Variants in PADI3 observed in about 807,000 individuals in gnomAD.
PADI3 encodes peptidyl arginine deiminase 3.
PADI3 carries 53 observed loss-of-function variants against 71.5 expected under a neutral mutation model. That is an observed-to-expected ratio of 0.74 (90% CI 0.59 to 0.93). The LOEUF (loss-of-function observed/expected upper bound fraction) is 0.93. Ranked by LOEUF, PADI3 falls within the 40% of genes least tolerant of loss-of-function variation. The pLI, the probability that PADI3 is intolerant of heterozygous loss-of-function variation, is 0.00. For synonymous variants in PADI3, 361 were observed against 347.5 expected, an observed-to-expected ratio of 1.04 and a Z score of -0.43; for missense variants, 821 against 868.0, an observed-to-expected ratio of 0.95 and a Z score of 0.68.
At chr1:17,280,884 T>A (rs574568348) in intron 15 of PADI3, 88 bp downstream of exon 15, 7 of 1,520,018 alleles carry the variant, frequency 4.6e-6, no homozygotes, top group Non-Finnish European at 6.3e-6. Flanking sequence ...ACAGTCATAT[T>A]TAGGATTGTG....
chr1:17,252,895 G>A (rs933196281), intron 1 of PADI3, among the ~76,000 whole-genome samples: 10 of 152,160 alleles, frequency 6.6e-5, no homozygotes, highest in Non-Finnish European at 1.0e-4. Context: ...TGAGGGGCCC[G>A]CGAAGCTGGT....
intron 2 of PADI3, 78 bp downstream of exon 2, chr1:17,259,836 T>C: frequency 1.5e-6 from 2 of 1,302,822 alleles, no homozygotes; most frequent in Non-Finnish European, 2.1e-6. Flanking sequence ...CAACATTCTC[T>C]TTCTCCAGAG....
At chr1:17,277,255 C>A (rs1291714049) in intron 13 of PADI3, among the ~76,000 whole-genome samples, 1 of 151,762 alleles carries the variant, frequency 6.6e-6, no homozygotes, top group Non-Finnish European at 1.5e-5. Context: ...AGTGCAATGG[C>A]GTGATCTCCA....
At chr1:17,273,289 G>T in intron 9 of PADI3, 51 bp from the exon 10 acceptor site, 1 of 1,384,488 alleles carries the variant, frequency 7.2e-7, no homozygotes. Context: ...GCCAGCAGGG[G>T]CAGCTGTTGA....
intron 1 of PADI3, among the ~76,000 whole-genome samples, chr1:17,257,416 T>A (rs1159990572): frequency 6.6e-6 from 1 of 152,260 alleles, no homozygotes; most frequent in Non-Finnish European, 1.5e-5. Context: ...ATTAATAATT[T>A]TTTTAGTATA....
chr1:17,253,061 G>A (rs1557496009), intron 1 of PADI3, among the ~76,000 whole-genome samples: 1 of 152,180 alleles, frequency 6.6e-6, no homozygotes, highest in African/African-American at 2.4e-5. Context: ...AGTGAGTTAG[G>A]GACAGAGCTA....
In PADI3 at chr1:17,275,436, CAAAAA is replaced by C. The variant is rs10617336; in HGVS notation, c.1307+669_1307+673del. Among the ~76,000 whole-genome samples, 13 of 89,482 alleles carry C rather than the reference CAAAAA, an allele frequency of 1.5e-4. No homozygotes were observed. In the East Asian group the frequency reaches 1.8e-3, roughly 12 times the overall value. The allele number at this position is 89,482 out of a possible 152,430, so 58.7% of individuals were successfully genotyped here. On this transcript the variant is annotated intron_variant, in intron 11 of 15. Coordinates refer to ENST00000375460, the MANE Select transcript of PADI3 (RefSeq NM_016233.2). ...TGGGCGACAGAGCGAGACTCCGTCT[CAAAAA>C]AAAAAAAAAAAAAAAAAAGTAACAA...
intron 9 of PADI3, among the ~76,000 whole-genome samples, chr1:17,272,437 A>G (rs1235260438): frequency 2.6e-5 from 4 of 152,310 alleles, no homozygotes; most frequent in Admixed American, 6.5e-5. Flanking sequence ...TGTGCCACCA[A>G]CTAACTAGCT....
chr1:17,258,111 TC>T (rs549426607), intron 1 of PADI3, among the ~76,000 whole-genome samples: 168 of 152,296 alleles, frequency 1.1e-3, no homozygotes, highest in Middle Eastern at 6.8e-3. Flanking sequence ...AGATAGTGCC[TC>T]CCTTCTAGGG....
At position 17,265,717 on chromosome 1, in the gene PADI3, C is replaced by T. The variant is rs765395439; in HGVS notation, c.405C>T (p.Asp135=). 5 of 1,613,924 alleles carry T rather than the reference C, an allele frequency of 3.1e-6. No homozygotes were observed. Among genetic ancestry groups the T allele is most frequent in the Non-Finnish European group, 4.2e-6 (5 of 1,179,818 alleles). ...GAAGGCAGGACAGGAACTTTGTAGA[C>T]AAGGTAAGCATCTCTGCCTGGGCCC... is the stretch of plus-strand genomic sequence containing the variant. The part of the protein sequence containing the change: ...CEGRQDRNFV[D]KRQWVWGPSG... The change falls in exon 4 of 16, where the codon GAC becomes GAT. Residue 135 remains aspartate (D), a synonymous_variant. Coordinates refer to ENST00000375460, the MANE Select transcript of PADI3 (RefSeq NM_016233.2).
At position 17,254,041 on chromosome 1, in the gene PADI3, G is replaced by T. The variant is rs72909138; in HGVS notation, c.92+4812G>T. Among the ~76,000 whole-genome samples, 333 of 152,298 alleles carry T rather than the reference G, an allele frequency of 2.2e-3. 11 individuals are homozygous for T. The highest frequency in any genetic ancestry group is 0.02 in the Admixed American group (301 of 15,298). ...GCCTGTGCAGAGAGCTGGGCCCTTG[G>T]GGGGATTGGTGCATTTCTGCTCTTT... On this transcript the variant is annotated intron_variant, in intron 1 of 15. Transcript: ENST00000375460.
chr1:17,259,240 C>T (rs111267752), intron 1 of PADI3, among the ~76,000 whole-genome samples: 12,173 of 152,158 alleles, frequency 0.08, 582 homozygotes, highest in South Asian at 0.2. Context: ...TGGCTATTTT[C>T]TTGTATTTTT....
At chr1:17,252,346 C>T (rs561402144) in intron 1 of PADI3, among the ~76,000 whole-genome samples, 11 of 133,654 alleles carry the variant, frequency 8.2e-5, no homozygotes, top group Middle Eastern at 3.6e-3. Context: ...GGCATCAGCA[C>T]AAACCTTAGC....
At chr1:17,270,080 A>C (rs917784968) in intron 6 of PADI3, among the ~76,000 whole-genome samples, 153 bp from the exon 7 acceptor site, 2 of 151,974 alleles carry the variant, frequency 1.3e-5, no homozygotes, top group African/African-American at 4.8e-5. Flanking sequence ...ACTGTGTATT[A>C]CCTGTCCTCT....
chr1:17,249,175 A>C lies in PADI3; in HGVS notation c.38A>C (p.His13Pro). Reference sequence around the variant, plus strand: ...AGAATCGTGCGTGTGTCCCTGGAGCATCCCACCAGCGCGGTGTGTGTGGCT... The same window carrying C: ...AGAATCGTGCGTGTGTCCCTGGAGCCTCCCACCAGCGCGGTGTGTGTGGCT... Reference protein sequence around the residue: ...LQRIVRVSLEHPTSAVCVAGV... With the variant: ...LQRIVRVSLEPPTSAVCVAGV... The change falls in exon 1 of 16, where the codon CAT becomes CCT. Residue 13 changes from histidine (H) to proline (P), a missense_variant. Transcript: ENST00000375460. The C allele has an allele frequency of 1.2e-6, 2 of 1,614,202 alleles. No homozygotes were observed. Among genetic ancestry groups the C allele is most frequent in the Admixed American group, 1.7e-5 (1 of 60,028 alleles).
chr1:17,267,871 G>C lies in PADI3; in HGVS notation c.561G>C (p.Thr187=). 1 of 1,614,030 alleles carries C rather than the reference G, an allele frequency of 6.2e-7. No homozygotes were observed. Among genetic ancestry groups the C allele is most frequent in the Non-Finnish European group, 8.5e-7 (1 of 1,179,996 alleles). The change falls in exon 6 of 16, where the codon ACG becomes ACC. Residue 187 remains threonine, a synonymous_variant. Coordinates refer to ENST00000375460, the MANE Select transcript of PADI3 (RefSeq NM_016233.2). The stretch of plus-strand genomic sequence containing the variant: ...ACATGTCTGTCATGGTCCTGCGGAC[G>C]CAGGGCCCTGCAGCCCTCTTTGATG... ...LEDMSVMVLR[T]QGPAALFDDH... is the part of the protein sequence containing the mutation.
rs189984956 is a variant in PADI3, at chr1:17,255,409, C to T, written c.93-4169C>T. Among the ~76,000 whole-genome samples, 223 of 152,250 alleles carry T rather than the reference C, an allele frequency of 1.5e-3. 3 individuals carry two copies. In the East Asian group the frequency reaches 0.026, roughly 18 times the overall value. The stretch of plus-strand genomic sequence containing the variant: ...ACAGGCCTGTGCATGGAAGCCTCAG[C>T]GGCGAGGGTCCAAGGCCCTGAGCCC... On this transcript the variant is annotated intron_variant, in intron 1 of 15. Coordinates refer to ENST00000375460, the MANE Select transcript of PADI3 (RefSeq NM_016233.2).
rs185272957 is a variant in PADI3 at position 17,274,536 on chromosome 1, C to A, written c.1156-99C>A. On this transcript the variant is annotated intron_variant, in intron 10 of 15. Coordinates refer to ENST00000375460, the MANE Select transcript of PADI3 (RefSeq NM_016233.2). ...GTATTTCCACCTGAAGAATGGATGG[C>A]CTTTCCCACCCTGTCTTGAAGGAGC... is the stretch of plus-strand genomic sequence containing the variant. 37 of 1,075,294 alleles carry A rather than the reference C, an allele frequency of 3.4e-5. No individual in the cohort carries two copies. The East Asian group carries it at 8.8e-4, about 26-fold the overall frequency. The allele number at this position is 1,075,294 out of a possible 1,614,324, so 66.6% of individuals were successfully genotyped here. A position where few individuals can be genotyped will look rare whatever the true frequency, so the allele number is the denominator to read the frequency against.
intron 1 of PADI3, among the ~76,000 whole-genome samples, chr1:17,256,111 T>C (rs2073023978): frequency 6.6e-6 from 1 of 152,144 alleles, no homozygotes; most frequent in Admixed American, 6.5e-5. Flanking sequence ...GTGCCTTCCC[T>C]GGGGAACCTG....
Sources: allele counts gnomAD v4.1 joint callset (sites outside exome capture counted in the v4.1 genomes callset), GRCh38; gene constraint gnomAD v4.1.1; transcripts MANE v1.5; gene names NCBI Gene and HGNC (gene_info 2026-07-23, HGNC 2026-07-21).